KCNIP1: variants seen among roughly 807,000 people sequenced by gnomAD.
KCNIP1 encodes potassium voltage-gated channel interacting protein 1.
KCNIP1 carries 18 observed loss-of-function variants against 33.0 expected under a neutral mutation model. That is an observed-to-expected ratio of 0.55 (90% CI 0.38 to 0.81). KCNIP1 has a LOEUF of 0.81. Ranked by LOEUF, KCNIP1 falls within the 30% of genes least tolerant of loss-of-function variation. KCNIP1 has a pLI of 0.00. For synonymous variants in KCNIP1, 93 were observed against 98.3 expected (o/e 0.95, Z 0.32); for missense variants, 238 against 271.6 (o/e 0.88, Z 0.87).
At position 170,415,208 on chromosome 5, in the gene KCNIP1, C is replaced by T. The variant is rs187081459; in HGVS notation, c.88+61244C>T. 3.3e-5 allele frequency among the ~76,000 whole-genome samples: 5 copies of T among 152,138 alleles called. No homozygotes were observed. The East Asian group carries it at 9.7e-4, about 29-fold the overall frequency. ...GAGGGGATGGGGCTGATAGAGGAAG[C>T]CGGGGAGGGGTTTGCCTGCTGATTT... On this transcript the variant is annotated intron_variant, in intron 1 of 7. Transcript: ENST00000377360.
At chr5:170,543,225 C>T (rs1756280952) in intron 1 of KCNIP1, among the ~76,000 whole-genome samples, 1 of 152,140 alleles carries the variant, frequency 6.6e-6, no homozygotes, top group Admixed American at 6.5e-5. Flanking sequence ...AAATACTACA[C>T]AGAAAGATGT....
At chr5:170,456,097 G>A (rs964717182) in intron 1 of KCNIP1, among the ~76,000 whole-genome samples, 1 of 152,146 alleles carries the variant, frequency 6.6e-6, no homozygotes, top group Non-Finnish European at 1.5e-5. Flanking sequence ...AAGAAAATGT[G>A]GCACATATAC....
intron 1 of KCNIP1, among the ~76,000 whole-genome samples, chr5:170,550,539 AATGATGATGGTGATGACAATGATGGTG>A (rs1187383651): frequency 1.5e-5 from 2 of 130,934 alleles, no homozygotes; most frequent in Admixed American, 1.5e-4. Flanking sequence ...TGATGGTGAT[AATGATGATGGTGATGACAATGATGGTG>A]ATGATGATGG....
At chr5:170,503,064 A>G (rs1376197307), upstream of KCNIP1, among the ~76,000 whole-genome samples, 1 of 152,130 alleles carries the variant, frequency 6.6e-6, no homozygotes, top group Admixed American at 6.5e-5. Context: ...GAAAGGGAGA[A>G]GAGGTAGAAC....
At chr5:170,507,295 C>A (rs540656091) in intron 1 of KCNIP1, among the ~76,000 whole-genome samples, 1 of 152,320 alleles carries the variant, frequency 6.6e-6, no homozygotes, top group Admixed American at 6.5e-5. Flanking sequence ...AACTATAAAA[C>A]AGAGATAGTA....
chr5:170,355,127 C>T (rs1217786599), intron 1 of KCNIP1, among the ~76,000 whole-genome samples: 2 of 152,172 alleles, frequency 1.3e-5, no homozygotes, highest in African/African-American at 4.8e-5. Flanking sequence ...TATCTCCTTC[C>T]TTGGGATGTT....
chr5:170,638,076 A>AT (rs373525656), intron 1 of KCNIP1, among the ~76,000 whole-genome samples: 6 of 152,094 alleles, frequency 3.9e-5, no homozygotes, highest in Non-Finnish European at 8.8e-5. Flanking sequence ...CAAGGCCTGG[A>AT]TTTTAAGCAA....
chr5:170,523,637 C>A (rs35166179), intron 1 of KCNIP1, among the ~76,000 whole-genome samples: 77,036 of 151,574 alleles, frequency 0.51, 20,539 homozygotes, highest in African/African-American at 0.68. Flanking sequence ...TGACCTAATC[C>A]CTCTTCTTTA....
At chr5:170,733,739 CAGCTCGTTACT>C in intron 6 of KCNIP1, 86 bp from the exon 7 acceptor site, 1 of 984,912 alleles carries the variant, frequency 1.0e-6, no homozygotes, top group Non-Finnish European at 1.6e-6. Flanking sequence ...AAATGAGCTC[CAGCTCGTTACT>C]CTGAGCTCCA....
chr5:170,687,739 T>G (rs1762589454), intron 1 of KCNIP1, among the ~76,000 whole-genome samples: 1 of 152,218 alleles, frequency 6.6e-6, no homozygotes, highest in Non-Finnish European at 1.5e-5. Context: ...CACTGTCTTT[T>G]GCAAACTGTT....
intron 1 of KCNIP1, among the ~76,000 whole-genome samples, chr5:170,524,051 G>T (rs776034376): frequency 2.4e-4 from 36 of 152,102 alleles, no homozygotes; most frequent in Non-Finnish European, 4.3e-4. Context: ...GGTCTGCCCT[G>T]GCTTTCTTGT....
intron 1 of KCNIP1, among the ~76,000 whole-genome samples, chr5:170,414,017 G>A (rs1755263122): frequency 6.6e-6 from 1 of 151,526 alleles, no homozygotes; most frequent in Non-Finnish European, 1.5e-5. Context: ...AGGCAGATAT[G>A]TCTCATCCTC....
chr5:170,582,466 G>C (rs1214425542), intron 1 of KCNIP1, among the ~76,000 whole-genome samples: 1 of 152,158 alleles, frequency 6.6e-6, no homozygotes, highest in African/African-American at 2.4e-5. Flanking sequence ...GGAAGTATTG[G>C]CTTTATAATA....
At chr5:170,573,863 A>G (rs572485671) in intron 1 of KCNIP1, among the ~76,000 whole-genome samples, 1 of 152,212 alleles carries the variant, frequency 6.6e-6, no homozygotes. Context: ...AAAGTTGGAC[A>G]ATTCCTGACC....
At position 170,563,123 on chromosome 5, in the gene KCNIP1, C is replaced by A. The variant is rs559316160; in HGVS notation, c.61+58490C>A. On this transcript the variant is annotated intron_variant, in intron 1 of 7. Transcript: ENST00000328939. ...GCCTAAGAAACCCAAAGCCTTCCCA[C>A]CTGCCATCCACCAACTATCATTTAC... Among the ~76,000 whole-genome samples, 20 of 150,622 alleles carry A rather than the reference C, an allele frequency of 1.3e-4. No individual in the cohort carries two copies. In the South Asian group the frequency reaches 3.7e-3, roughly 28 times the overall value.
At chr5:170,416,520 C>T (rs1344049559) in intron 1 of KCNIP1, among the ~76,000 whole-genome samples, 1 of 152,134 alleles carries the variant, frequency 6.6e-6, no homozygotes, top group Non-Finnish European at 1.5e-5. Flanking sequence ...TCACAGGGGC[C>T]TTCCCTTCCA....
intron 1 of KCNIP1, among the ~76,000 whole-genome samples, chr5:170,565,721 G>C (rs572995737): frequency 6.6e-6 from 1 of 152,140 alleles, no homozygotes; most frequent in Non-Finnish European, 1.5e-5. Flanking sequence ...TTAAAACTAG[G>C]ATTTTAATCC....
intron 1 of KCNIP1, among the ~76,000 whole-genome samples, chr5:170,430,062 C>T (rs1426415994): frequency 6.6e-6 from 1 of 152,234 alleles, no homozygotes; most frequent in Non-Finnish European, 1.5e-5. Context: ...GTCCCACACA[C>T]TCTACTCCAA....
intron 1 of KCNIP1, among the ~76,000 whole-genome samples, chr5:170,622,161 G>A (rs190327554): frequency 6.6e-6 from 1 of 152,356 alleles, no homozygotes; most frequent in Non-Finnish European, 1.5e-5. Context: ...TCCGTCTGTG[G>A]TGGGTGGAGC....
Sources: gnomAD v4.1 joint callset for allele counts (sites outside exome capture counted in the v4.1 genomes callset) on GRCh38, gnomAD v4.1.1 for gene constraint, MANE v1.5 for transcripts, NCBI Gene and HGNC (gene_info 2026-07-23, HGNC 2026-07-21) for gene names.